The following TAF4 variants were observed in gnomAD, a reference collection of about 807,000 sequenced individuals.
TAF4 encodes the protein transcription initiation factor TFIID subunit 4.
TAF4 carries 9 observed loss-of-function variants against 90.3 expected under a neutral mutation model. The observed-to-expected ratio is 0.10, with a 90% CI of 0.06 to 0.17. The LOEUF (loss-of-function observed/expected upper bound fraction) is 0.17. TAF4 is among the 10% of genes least tolerant of loss of function. The pLI is 1.00. For synonymous variants in TAF4, 818 were observed against 638.9 expected (o/e 1.28, Z -4.23); for missense variants, 1,351 against 1,370.7 (o/e 0.99, Z 0.23).
chr20:62,032,267 ACTC>A (rs571949754), intron 1 of TAF4, among the ~76,000 whole-genome samples: 10 of 151,962 alleles, frequency 6.6e-5, no homozygotes, highest in African/African-American at 2.2e-4. Context: ...CCACCCCCGA[ACTC>A]CTGCTCCCTG....
At chr20:62,061,445 T>C (rs2056088179) in intron 1 of TAF4, among the ~76,000 whole-genome samples, 1 of 152,204 alleles carries the variant, frequency 6.6e-6, no homozygotes, top group African/African-American at 2.4e-5. Flanking sequence ...GAATCTACAC[T>C]TGGGCCAAAT....
chr20:62,063,239 A>AC (rs1401238473), intron 1 of TAF4, among the ~76,000 whole-genome samples: 19 of 152,042 alleles, frequency 1.2e-4, no homozygotes, highest in Non-Finnish European at 2.8e-4. Flanking sequence ...CCCGAACCTC[A>AC]CATACTTGGA....
intron 1 of TAF4, among the ~76,000 whole-genome samples, chr20:62,048,940 G>A (rs1292039805): frequency 1.6e-4 from 15 of 94,708 alleles, no homozygotes; most frequent in East Asian, 3.4e-4. Flanking sequence ...ATCGTCCCGC[G>A]GCCCTCTCCC....
At chr20:62,017,516 G>A (rs1403640568) in intron 1 of TAF4, among the ~76,000 whole-genome samples, 12 of 152,102 alleles carry the variant, frequency 7.9e-5, no homozygotes, top group Middle Eastern at 3.4e-3. Context: ...GCATGGTGGC[G>A]GGCCCCTGTA....
rs1431310030 is a variant in TAF4, at chr20:62,020,309, C to G, written c.1361-5602G>C. Reference sequence around the variant, plus strand: ...GGGCTCTTTCTGGTCCTGAGGGGCTCTCAGCCCCAGCTCTCCTCCTGAGGC... The same window carrying G: ...GGGCTCTTTCTGGTCCTGAGGGGCTGTCAGCCCCAGCTCTCCTCCTGAGGC... On this transcript the variant is annotated intron_variant, in intron 1 of 14. Coordinates refer to ENST00000252996, the MANE Select transcript of TAF4 (RefSeq NM_003185.4). Among the ~76,000 whole-genome samples the G allele has an allele frequency of 2.6e-5, 4 of 152,300 alleles. No homozygotes were observed. In the East Asian group the frequency reaches 7.7e-4, roughly 29 times the overall value.
At chr20:62,052,020 GA>G (rs1338593654) in intron 1 of TAF4, among the ~76,000 whole-genome samples, 1 of 152,130 alleles carries the variant, frequency 6.6e-6, no homozygotes, top group Middle Eastern at 3.2e-3. Context: ...CAACCACAAG[GA>G]AGAGAGATGA....
intron 1 of TAF4, among the ~76,000 whole-genome samples, chr20:62,055,905 A>G (rs998868951): frequency 2.6e-5 from 4 of 152,154 alleles, no homozygotes; most frequent in African/African-American, 9.7e-5. Context: ...TGGTACCCTC[A>G]TCAGCCTTCC....
intron 1 of TAF4, among the ~76,000 whole-genome samples, chr20:62,044,320 C>T (rs979492023): frequency 6.6e-6 from 1 of 152,214 alleles, no homozygotes; most frequent in African/African-American, 2.4e-5. Flanking sequence ...AGCGTATATG[C>T]TACATTAGTT....
chr20:62,025,784 T>C (rs942185616), intron 1 of TAF4, among the ~76,000 whole-genome samples: 1 of 152,168 alleles, frequency 6.6e-6, no homozygotes, highest in Non-Finnish European at 1.5e-5. Context: ...ACTGCATTTA[T>C]ATAAAATTCT....
At chr20:61,982,520 A>G (rs1251352903) in intron 14 of TAF4, among the ~76,000 whole-genome samples, 1 of 141,136 alleles carries the variant, frequency 7.1e-6, no homozygotes, top group Non-Finnish European at 1.5e-5. Context: ...GAAACACCAA[A>G]CCCACATCCA....
chr20:62,065,150 CGTT>C lies in TAF4; in HGVS notation c.658_660del (p.Asn220del), dbSNP rs2056119808. 1 of 1,197,408 alleles carries C rather than the reference CGTT, an allele frequency of 8.4e-7. No individual in the cohort carries two copies. The highest frequency in any genetic ancestry group is 1.7e-5 in the African/African-American group (1 of 59,524). 74.2% of individuals were successfully genotyped at this position (1,197,408 alleles called of 1,614,324 possible). On this transcript the variant is annotated inframe_deletion, in exon 1 of 15. Coordinates refer to ENST00000252996, the MANE Select transcript of TAF4 (RefSeq NM_003185.4). ...GGCAGCGGCAGCAGCGCGGCGGGCC[CGTT>C]GTTGACCAGGCTGACAGCAGGTGCG...
chr20:61,981,354 A>AG (rs1188306140), intron 14 of TAF4: 1 of 152,224 alleles, frequency 6.6e-6, no homozygotes, highest in African/African-American at 2.4e-5. Context: ...CTCTCAATAC[A>AG]GGAAAATCTG....
At chr20:62,024,253 C>T (rs79167777) in intron 1 of TAF4, among the ~76,000 whole-genome samples, 2 of 152,246 alleles carry the variant, frequency 1.3e-5, no homozygotes, top group East Asian at 1.9e-4. Flanking sequence ...ACCCCTGGAC[C>T]GACACCCCAT....
At chr20:62,008,882 A>G (rs1189914097) in intron 5 of TAF4, 170 bp downstream of exon 5, 9 of 828,002 alleles carry the variant, frequency 1.1e-5, no homozygotes, top group South Asian at 2.7e-5. Context: ...CTCCTTAGCT[A>G]GGCCACACAC....
intron 1 of TAF4, among the ~76,000 whole-genome samples, chr20:62,042,756 T>C (rs773761835): frequency 6.6e-6 from 1 of 152,274 alleles, no homozygotes; most frequent in Non-Finnish European, 1.5e-5. Context: ...CCCATCACTG[T>C]TTCAGAAATA....
intron 5 of TAF4, among the ~76,000 whole-genome samples, chr20:62,008,653 C>T (rs1389445244): frequency 6.6e-6 from 1 of 152,256 alleles, no homozygotes; most frequent in South Asian, 2.1e-4. Flanking sequence ...AATGCCTGTT[C>T]CAGCCGGGAC....
chr20:62,065,464 G>A lies in TAF4; in HGVS notation c.347C>T (p.Pro116Leu). 5 of 976,470 alleles carry A rather than the reference G, an allele frequency of 5.1e-6. No individual in the cohort carries two copies. Among genetic ancestry groups the A allele is most frequent in the Non-Finnish European group, 6.1e-6 (5 of 825,146 alleles). 60.5% of individuals were successfully genotyped at this position (976,470 alleles called of 1,614,324 possible). ...GPPSPRRPLV[P>L]AGPAPPAAKL... ...CGCGGCGGGCGGCGCGGGCCCTGCGGGGACAAGGGGGCGGCGCGGTGAGGG... is the reference window on the plus strand; with the variant it reads ...CGCGGCGGGCGGCGCGGGCCCTGCGAGGACAAGGGGGCGGCGCGGTGAGGG... Residue 116 changes from proline (P) to leucine (L), a missense_variant, in exon 1 of 15, where the codon CCC (proline) becomes CTC (leucine). By Grantham distance (98) the Pro-to-Leu change is moderately conservative. Around this residue, in one of 9 missense-constraint regions of TAF4, gnomAD observed 782 missense variants for 536.6 expected, o/e 1.46. Transcript: ENST00000252996.
intron 1 of TAF4, among the ~76,000 whole-genome samples, chr20:62,033,914 C>T (rs1183982291): frequency 2.6e-5 from 4 of 150,980 alleles, no homozygotes; most frequent in African/African-American, 7.3e-5. Context: ...TGGTGGCAGG[C>T]GCCTGTAGTC....
At chr20:62,000,848 C>A in intron 9 of TAF4, 127 bp from the exon 10 acceptor site, 1 of 938,266 alleles carries the variant, frequency 1.1e-6, no homozygotes, top group Non-Finnish European at 1.6e-6. Context: ...TCTGTCCTCC[C>A]CGCACCTGCA....
Sources: allele counts gnomAD v4.1 joint callset (sites outside exome capture counted in the v4.1 genomes callset), GRCh38; gene constraint gnomAD v4.1.1; regional missense constraint gnomAD v4.1.1; transcripts MANE v1.5; gene names NCBI Gene and HGNC (gene_info 2026-07-23, HGNC 2026-07-21).